Variants in LRRC7 observed in about 807,000 individuals in gnomAD.
The protein encoded by LRRC7 is leucine-rich repeat-containing protein 7.
LRRC7 carries 23 observed loss-of-function variants against 175.7 expected under a neutral mutation model. That is an observed-to-expected ratio of 0.13 (90% CI 0.09 to 0.19). The LOEUF (loss-of-function observed/expected upper bound fraction) is 0.19. Ranked by LOEUF, LRRC7 falls within the 10% of genes least tolerant of loss-of-function variation. The pLI is 1.00. For missense variants in LRRC7, 1,354 were observed against 1,904.7 expected (o/e 0.71, Z 5.38); for synonymous variants, 685 against 680.9 (o/e 1.01, Z -0.09).
At chr1:70,020,889 C>A in intron 15 of LRRC7, 116 bp from the exon 16 acceptor site, 6 of 702,204 alleles carry the variant, frequency 8.5e-6, no homozygotes, top group Non-Finnish European at 1.2e-5. Context: ...TTCTTTCTTT[C>A]TTCTTTATTT....
At chr1:69,647,127 C>T (rs1435671098) in intron 1 of LRRC7, among the ~76,000 whole-genome samples, 1 of 152,038 alleles carries the variant, frequency 6.6e-6, no homozygotes, top group Non-Finnish European at 1.5e-5. Flanking sequence ...AAATATATAA[C>T]ACATTTTCAG....
At chr1:69,997,379 G>T (rs1234579545) in intron 11 of LRRC7, among the ~76,000 whole-genome samples, 2 of 149,132 alleles carry the variant, frequency 1.3e-5, no homozygotes, top group Non-Finnish European at 3.0e-5. Flanking sequence ...TTTCCTAATT[G>T]AATACCCTTT....
At chr1:69,819,279 G>C (rs1396121083) in intron 4 of LRRC7, among the ~76,000 whole-genome samples, 1 of 151,690 alleles carries the variant, frequency 6.6e-6, no homozygotes, top group African/African-American at 2.4e-5. Context: ...TTTGTATCAA[G>C]ATTTTCTTTT....
intron 4 of LRRC7, among the ~76,000 whole-genome samples, chr1:69,823,528 A>AGT (rs947917202): frequency 6.7e-6 from 1 of 149,604 alleles, no homozygotes; most frequent in African/African-American, 2.5e-5. Context: ...CAGCTTTAAA[A>AGT]GTGTGTGTGT....
chr1:69,781,737 G>GAAAGAA (rs1557719595), intron 3 of LRRC7, among the ~76,000 whole-genome samples: 12 of 29,032 alleles, frequency 4.1e-4, no homozygotes, highest in Non-Finnish European at 5.6e-4. Flanking sequence ...GAAAGAAAGA[G>GAAAGAA]AGAGAGAGAG....
chr1:69,615,395 A>G (rs923698637), intron 1 of LRRC7, among the ~76,000 whole-genome samples: 1 of 151,952 alleles, frequency 6.6e-6, no homozygotes, highest in Admixed American at 6.6e-5. Flanking sequence ...AGAAGCAGGG[A>G]CTGGTGATAA....
chr1:69,615,296 G>T (rs966943846), intron 1 of LRRC7, among the ~76,000 whole-genome samples: 1 of 151,878 alleles, frequency 6.6e-6, no homozygotes, highest in African/African-American at 2.4e-5. Flanking sequence ...TTGGAGCTAG[G>T]GTCGGGTTTG....
intron 1 of LRRC7, among the ~76,000 whole-genome samples, chr1:69,641,304 C>T (rs1205493205): frequency 6.6e-6 from 1 of 151,582 alleles, no homozygotes; most frequent in Non-Finnish European, 1.5e-5. Context: ...TTACCTATCT[C>T]AGACCTTTTA....
intron 2 of LRRC7, among the ~76,000 whole-genome samples, chr1:69,726,420 A>G (rs997391124): frequency 3.9e-5 from 6 of 152,352 alleles, no homozygotes; most frequent in African/African-American, 1.4e-4. Context: ...TGGAACAATG[A>G]CAATAGTTGT....
intron 5 of LRRC7, among the ~76,000 whole-genome samples, chr1:69,832,129 G>A (rs900487966): frequency 2.6e-5 from 4 of 152,078 alleles, no homozygotes; most frequent in East Asian, 3.9e-4. Context: ...AATACTTGTT[G>A]AGAGTGTTTT....
chr1:69,855,289 TGC>T (rs897705833), intron 7 of LRRC7, among the ~76,000 whole-genome samples: 10 of 152,316 alleles, frequency 6.6e-5, no homozygotes, highest in African/African-American at 2.4e-4. Context: ...CTCTACACAC[TGC>T]TTTAAATGTG....
intron 24 of LRRC7, among the ~76,000 whole-genome samples, chr1:70,089,351 C>T (rs920629138): frequency 6.6e-6 from 1 of 152,156 alleles, no homozygotes; most frequent in Admixed American, 6.6e-5. Context: ...CTTATTCAGA[C>T]ACTCCTTTCT....
chr1:70,137,267 G>T lies in LRRC7; in HGVS notation c.*15380G>T, dbSNP rs148818004. Among the ~76,000 whole-genome samples, 1 of 152,250 alleles carries T rather than the reference G, an allele frequency of 6.6e-6. No individual in the cohort carries two copies. Among genetic ancestry groups the T allele is most frequent in the African/African-American group, 2.4e-5 (1 of 41,540 alleles). On this transcript the variant is annotated 3_prime_UTR_variant, in exon 27 of 27. Coordinates refer to ENST00000651989, the MANE Select transcript of LRRC7 (RefSeq NM_001370785.2). ...CAAGGAGTAACCCTTTTGGGTCAAAGTCAGAGGGGGCTTGCTGGAATCAAG... is the reference window on the plus strand; with the variant it reads ...CAAGGAGTAACCCTTTTGGGTCAAATTCAGAGGGGGCTTGCTGGAATCAAG...
At chr1:69,642,171 G>A (rs1654310739) in intron 1 of LRRC7, among the ~76,000 whole-genome samples, 1 of 151,982 alleles carries the variant, frequency 6.6e-6, no homozygotes, top group South Asian at 2.1e-4. Context: ...ATCATGAAAT[G>A]TTATAACTAA....
At chr1:69,731,502 G>A (rs919104747) in intron 2 of LRRC7, among the ~76,000 whole-genome samples, 5 of 152,178 alleles carry the variant, frequency 3.3e-5, no homozygotes, top group Non-Finnish European at 7.3e-5. Context: ...TTACCAAAAT[G>A]TGGAAGAAAC....
At chr1:69,732,033 A>G (rs551676026) in intron 2 of LRRC7, among the ~76,000 whole-genome samples, 109 of 152,208 alleles carry the variant, frequency 7.2e-4, no homozygotes, top group African/African-American at 2.5e-3. Flanking sequence ...TTTCTTTTAT[A>G]CCAATGGAAC....
intron 4 of LRRC7, among the ~76,000 whole-genome samples, chr1:69,807,287 C>A (rs1487963306): frequency 1.3e-5 from 2 of 151,938 alleles, no homozygotes; most frequent in African/African-American, 4.8e-5. Flanking sequence ...AGCATTTAGC[C>A]CATTTTCATT....
At chr1:69,950,170 A>G (rs989783012) in intron 8 of LRRC7, among the ~76,000 whole-genome samples, 2 of 152,126 alleles carry the variant, frequency 1.3e-5, no homozygotes, top group African/African-American at 4.8e-5. Flanking sequence ...CAGAAATCCA[A>G]GCCTAATAAT....
intron 1 of LRRC7, among the ~76,000 whole-genome samples, chr1:69,665,521 T>C (rs113995142): frequency 0.015 from 2,248 of 152,260 alleles, 22 homozygotes; most frequent in Middle Eastern, 0.031. Flanking sequence ...ATAGTTTTCA[T>C]TGTAGAGATC....
Sources: gnomAD v4.1 joint callset for allele counts (sites outside exome capture counted in the v4.1 genomes callset) on GRCh38, gnomAD v4.1.1 for gene constraint, MANE v1.5 for transcripts, NCBI Gene and HGNC (gene_info 2026-07-23, HGNC 2026-07-21) for gene names.